The following MCF2L variants were observed in gnomAD, a reference collection of about 807,000 sequenced individuals.
MCF2L encodes guanine nucleotide exchange factor DBS.
In MCF2L, 97 loss-of-function variants were observed where a neutral mutation model predicts 153.4. The ratio of observed to expected loss-of-function variants is 0.63; its 90% CI spans 0.54 to 0.75. The LOEUF is 0.75. Among genes scored for constraint, MCF2L ranks in the 30% least tolerant of loss-of-function variants. The pLI, the probability that MCF2L is intolerant of heterozygous loss-of-function variation, is 0.00. For missense variants in MCF2L, 1,347 were observed against 1,495.2 expected, an observed-to-expected ratio of 0.90 and a Z score of 1.64; for synonymous variants, 659 against 632.2, an observed-to-expected ratio of 1.04 and a Z score of -0.64.
In MCF2L at chr13:112,960,113, G is replaced by A. The variant is rs1009774023; in HGVS notation, c.170-54650G>A. ...GGGGCTGTGTCTTTGTCTGTTTTCT[G>A]CTGCTATAACAGAGTATCACAGATT... On this transcript the variant is annotated intron_variant, in intron 2 of 29. Coordinates refer to the MCF2L transcript ENST00000375608. The surrounding 1 kb of genome is among the most constrained non-coding windows in gnomAD (Gnocchi z 4.2). 6.6e-6 allele frequency among the ~76,000 whole-genome samples: 1 copy of A among 152,240 alleles called. No homozygotes were observed. The highest frequency in any genetic ancestry group is 2.4e-5 in the African/African-American group (1 of 41,452).
intron 2 of MCF2L, among the ~76,000 whole-genome samples, chr13:112,928,780 G>T (rs2081433136): frequency 6.6e-6 from 1 of 152,228 alleles, no homozygotes; most frequent in African/African-American, 2.4e-5. Context: ...GTCTCCAGCA[G>T]CTCTGACGCT....
chr13:113,049,849 G>C (rs952460804), intron 4 of MCF2L, among the ~76,000 whole-genome samples: 14 of 152,214 alleles, frequency 9.2e-5, no homozygotes, highest in Non-Finnish European at 1.5e-4. Flanking sequence ...CCCTAATTTG[G>C]GGTGTTCTTT....
intron 2 of MCF2L, among the ~76,000 whole-genome samples, chr13:112,945,161 T>G (rs553032734): frequency 6.6e-5 from 10 of 152,310 alleles, no homozygotes; most frequent in Admixed American, 2.6e-4. Context: ...ATTGCCTTTT[T>G]GATTTTAAAA....
chr13:113,059,605 G>A (rs1235039247), intron 4 of MCF2L, among the ~76,000 whole-genome samples: 2 of 152,220 alleles, frequency 1.3e-5, no homozygotes, highest in Non-Finnish European at 2.9e-5. Flanking sequence ...CTGCACGTCT[G>A]TCATCGCGGC....
chr13:112,964,072 A>G (rs3011472), intron 2 of MCF2L, among the ~76,000 whole-genome samples: 99,355 of 147,716 alleles, frequency 0.67, 32,816 homozygotes, highest in Non-Finnish European at 0.71. Flanking sequence ...GACGGCGTCC[A>G]CTTGCAGGTG....
rs756616118 is a variant in MCF2L at position 113,078,429 on chromosome 13, G to A, written c.1727G>A (p.Arg576Lys). The A allele has an allele frequency of 1.7e-5, 28 of 1,611,342 alleles. No homozygotes were observed. The highest frequency in any genetic ancestry group is 2.2e-5 in the Non-Finnish European group (26 of 1,179,240). The change falls in exon 14 of 30, where the codon AGG becomes AAG. Residue 576 changes from arginine to lysine, a missense_variant. By Grantham distance (26) the Arg-to-Lys change is conservative. Around this residue, in one of 3 missense-constraint regions of MCF2L, gnomAD observed 820 missense variants for 921.2 expected, o/e 0.89. Transcript: ENST00000535094. ...GCGCTCCGGAGAGGGCCCTACCGGA[G>A]GGCCAAGGTGAGGCTTGCCCAAGAC... ...GGALRRGPYR[R>K]AKSEMSESRQ... is the part of the protein sequence containing the mutation.
At chr13:112,937,084 C>T (rs1000902617) in intron 2 of MCF2L, among the ~76,000 whole-genome samples, 6 of 152,070 alleles carry the variant, frequency 3.9e-5, no homozygotes, top group Admixed American at 2.0e-4. Context: ...GATAGAGTCT[C>T]GCTTTGTCCC....
intron 4 of MCF2L, among the ~76,000 whole-genome samples, chr13:113,051,356 G>A (rs560016016): frequency 6.6e-6 from 1 of 152,332 alleles, no homozygotes; most frequent in South Asian, 2.1e-4. Flanking sequence ...CAGGGCCACG[G>A]CGGTGGGCGG....
In MCF2L at chr13:112,932,053, G is replaced by T. The variant is rs1464880627; in HGVS notation, c.169+29682G>T. Among the ~76,000 whole-genome samples the T allele has an allele frequency of 6.6e-6, 1 of 152,212 alleles. No individual in the cohort carries two copies. The highest frequency in any genetic ancestry group is 1.5e-5 in the Non-Finnish European group (1 of 68,050). The stretch of plus-strand genomic sequence containing the variant: ...TGTAGATGAGTTGTTGTCACGAGGG[G>T]AGCTCAGAACCCTACTTCCTGAGTG... On this transcript the variant is annotated intron_variant, in intron 2 of 29. Coordinates refer to the MCF2L transcript ENST00000375608. This position sits in a 1 kb window ranked among gnomAD's most constrained non-coding sequence, Gnocchi z 4.6.
chr13:113,050,293 T>TGAGTGTGC (rs1450978347), intron 4 of MCF2L, among the ~76,000 whole-genome samples: 1 of 148,522 alleles, frequency 6.7e-6, no homozygotes, highest in African/African-American at 2.5e-5. Flanking sequence ...TGTGAGAGTG[T>TGAGTGTGC]GTGTGTGTGA....
At chr13:113,059,221 G>A (rs1221609532) in intron 4 of MCF2L, among the ~76,000 whole-genome samples, 1 of 152,218 alleles carries the variant, frequency 6.6e-6, no homozygotes, top group Non-Finnish European at 1.5e-5. Context: ...AGGTGTCCCT[G>A]CAGCCAGCGT....
chr13:112,959,377 TG>T (rs2081796996), intron 2 of MCF2L, among the ~76,000 whole-genome samples: 2 of 151,992 alleles, frequency 1.3e-5, no homozygotes, highest in Non-Finnish European at 1.5e-5. Flanking sequence ...GTGACATCAG[TG>T]GGTCCTTTGT....
At chr13:113,075,614 C>A (rs1033554381) in intron 11 of MCF2L, among the ~76,000 whole-genome samples, 28 of 152,248 alleles carry the variant, frequency 1.8e-4, no homozygotes, top group Non-Finnish European at 2.9e-5. Context: ...GGATTACAGG[C>A]GTGAGCCACC....
intron 4 of MCF2L, among the ~76,000 whole-genome samples, chr13:113,051,481 G>A (rs1364275957): frequency 6.6e-6 from 1 of 152,198 alleles, no homozygotes; most frequent in Non-Finnish European, 1.5e-5. Flanking sequence ...CCACCTAAGG[G>A]TGGATTTGAC....
intron 1 of MCF2L, among the ~76,000 whole-genome samples, chr13:113,003,976 A>G (rs1187988101): frequency 1.3e-5 from 2 of 152,210 alleles, no homozygotes; most frequent in African/African-American, 4.8e-5. Context: ...TTCCACAGAG[A>G]GGTCACCGTG....
At chr13:113,032,548 C>T (rs2085791962) in intron 3 of MCF2L, among the ~76,000 whole-genome samples, 1 of 151,956 alleles carries the variant, frequency 6.6e-6, no homozygotes, top group African/African-American at 2.4e-5. Context: ...GCGCCATTTG[C>T]TGCTGCCTTT....
At chr13:112,905,478 G>A (rs1466796028) in intron 2 of MCF2L, among the ~76,000 whole-genome samples, 1 of 152,172 alleles carries the variant, frequency 6.6e-6, no homozygotes, top group Non-Finnish European at 1.5e-5. Context: ...CCGTAACTAG[G>A]GGCAAGGAGG....
At chr13:113,023,800 G>T (rs2085055785) in intron 2 of MCF2L, among the ~76,000 whole-genome samples, 1 of 152,130 alleles carries the variant, frequency 6.6e-6, no homozygotes, top group Non-Finnish European at 1.5e-5. Flanking sequence ...AGGTCCTGGG[G>T]GCTGCAGTCC....
intron 2 of MCF2L, among the ~76,000 whole-genome samples, chr13:113,020,242 T>C (rs560433205): frequency 6.6e-6 from 1 of 152,180 alleles, no homozygotes; most frequent in Admixed American, 6.5e-5. Context: ...AAGCAGCTCA[T>C]GTGGGTGAGT....
Sources: allele counts gnomAD v4.1 joint callset (sites outside exome capture counted in the v4.1 genomes callset), GRCh38; gene constraint gnomAD v4.1.1; regional missense constraint gnomAD v4.1.1; non-coding constraint Gnocchi (gnomAD v3.1); transcripts MANE v1.5; gene names NCBI Gene and HGNC (gene_info 2026-07-23, HGNC 2026-07-21).